RNF220: variants seen among roughly 807,000 people sequenced by gnomAD.
RNF220 encodes ring finger protein 220, also known as E3 ubiquitin-protein ligase RNF220.
A neutral mutation model predicts 67.1 loss-of-function variants in RNF220; 7 were observed. The ratio of observed to expected loss-of-function variants is 0.10; its 90% CI spans 0.06 to 0.20. The LOEUF is 0.20. Among genes scored for constraint, RNF220 ranks in the 10% least tolerant of loss-of-function variants. The pLI, the probability that RNF220 is intolerant of heterozygous loss-of-function variation, is 1.00. For missense variants in RNF220, 565 were observed against 740.3 expected (o/e 0.76, Z 2.75); for synonymous variants, 270 against 283.2 (o/e 0.95, Z 0.47).
intron 2 of RNF220, among the ~76,000 whole-genome samples, chr1:44,478,317 G>A (rs368285183): frequency 1.3e-5 from 2 of 151,942 alleles, no homozygotes; most frequent in East Asian, 3.8e-4. Context: ...TGTATATCAG[G>A]CCTAAATATG....
chr1:44,545,957 T>C (rs1662107558), intron 2 of RNF220, among the ~76,000 whole-genome samples: 1 of 152,098 alleles, frequency 6.6e-6, no homozygotes, highest in African/African-American at 2.4e-5. Flanking sequence ...GGAGAAACCC[T>C]TTCTTGCATG....
At chr1:44,529,937 C>T (rs553729584) in intron 2 of RNF220, among the ~76,000 whole-genome samples, 35 of 151,846 alleles carry the variant, frequency 2.3e-4, no homozygotes, top group Non-Finnish European at 4.6e-4. Context: ...GCCTCTACTC[C>T]CAGCTATTTG....
intron 2 of RNF220, among the ~76,000 whole-genome samples, chr1:44,433,078 C>T (rs1416377526): frequency 1.3e-5 from 2 of 151,868 alleles, no homozygotes; most frequent in African/African-American, 2.4e-5. Flanking sequence ...TACAGGCGTG[C>T]GTCACTACAC....
At position 44,644,747 on chromosome 1, in the gene RNF220, T is replaced by C; in HGVS notation, c.1176T>C (p.Ala392=). ...GCAAAGAGAACCCGGACAGTGATGC[T>C]GACTTGGATGTGGATGGGGATGACA... ...CSGKENPDSD[A]DLDVDGDDTL... Residue 392 remains alanine, a synonymous_variant, in exon 9 of 15, where the codon GCT becomes GCC. Coordinates refer to ENST00000361799, the MANE Select transcript of RNF220 (RefSeq NM_018150.4). The C allele has an allele frequency of 6.2e-7, 1 of 1,614,150 alleles. No homozygotes were observed. The highest frequency in any genetic ancestry group is 8.5e-7 in the Non-Finnish European group (1 of 1,180,012).
intron 2 of RNF220, among the ~76,000 whole-genome samples, chr1:44,605,347 A>T (rs1667201358): frequency 6.6e-6 from 1 of 151,770 alleles, no homozygotes; most frequent in African/African-American, 2.4e-5. Flanking sequence ...ATAGCTGACC[A>T]GACTAGACCA....
In RNF220 at chr1:44,624,228, C is replaced by T. The variant is rs1474699834; in HGVS notation, c.804+1441C>T. Reference sequence around the variant, plus strand: ...CACTCACTGAGTGTGGCCCAGCCTGCAGCATTTAATGGTGTGGTTCAGGAA... The same window carrying T: ...CACTCACTGAGTGTGGCCCAGCCTGTAGCATTTAATGGTGTGGTTCAGGAA... On this transcript the variant is annotated intron_variant, in intron 4 of 14. Coordinates refer to ENST00000361799, the MANE Select transcript of RNF220 (RefSeq NM_018150.4). This position sits in a 1 kb window ranked among gnomAD's most constrained non-coding sequence, Gnocchi z 4.2. 2.0e-5 allele frequency among the ~76,000 whole-genome samples: 3 copies of T among 152,178 alleles called. No homozygotes were observed. Among genetic ancestry groups the T allele is most frequent in the Non-Finnish European group, 4.4e-5 (3 of 68,024 alleles).
intron 2 of RNF220, among the ~76,000 whole-genome samples, chr1:44,475,076 G>GAA (rs112605382): frequency 6.7e-6 from 1 of 150,352 alleles, no homozygotes; most frequent in African/African-American, 2.4e-5. Context: ...TAAGACTGAG[G>GAA]AAAAAAAAAT....
chr1:44,447,173 C>T (rs962940062), intron 2 of RNF220, among the ~76,000 whole-genome samples: 31 of 152,088 alleles, frequency 2.0e-4, no homozygotes, highest in African/African-American at 5.8e-4. Flanking sequence ...TTGTTGAGAA[C>T]GATATGTACA....
At chr1:44,487,145 G>A (rs1431854445) in intron 2 of RNF220, among the ~76,000 whole-genome samples, 2 of 151,900 alleles carry the variant, frequency 1.3e-5, no homozygotes, top group Non-Finnish European at 2.9e-5. Context: ...GACCAGCCTG[G>A]CCAACATGGT....
chr1:44,553,922 C>T (rs1299395582), intron 2 of RNF220, among the ~76,000 whole-genome samples: 1 of 152,148 alleles, frequency 6.6e-6, no homozygotes, highest in Non-Finnish European at 1.5e-5. Context: ...ACCACGGCTG[C>T]AGGAGGAGCT....
intron 3 of RNF220, among the ~76,000 whole-genome samples, chr1:44,615,314 G>A (rs559762017): frequency 4.6e-5 from 7 of 152,290 alleles, no homozygotes; most frequent in Admixed American, 3.3e-4. Flanking sequence ...ATTGATTGAG[G>A]CAGTATTAGA....
chr1:44,538,436 A>G (rs914377033), intron 2 of RNF220, among the ~76,000 whole-genome samples: 3 of 152,100 alleles, frequency 2.0e-5, no homozygotes, highest in Non-Finnish European at 4.4e-5. Context: ...ATTGGTCTAC[A>G]CTTTCTCACA....
chr1:44,630,011 C>T (rs1282112203), intron 5 of RNF220, among the ~76,000 whole-genome samples: 1 of 152,242 alleles, frequency 6.6e-6, no homozygotes, highest in Admixed American at 6.5e-5. Context: ...GCTCTTTACA[C>T]AAGGCCTGGC....
At chr1:44,637,706 G>A (rs757653229) in intron 8 of RNF220, among the ~76,000 whole-genome samples, 2 of 152,238 alleles carry the variant, frequency 1.3e-5, no homozygotes, top group African/African-American at 2.4e-5. Context: ...CAGTGTGAGG[G>A]GCTCTTAGGC....
chr1:44,421,244 A>G (rs1270196683), intron 2 of RNF220, among the ~76,000 whole-genome samples: 5 of 152,068 alleles, frequency 3.3e-5, no homozygotes. Context: ...GCCAAATCTC[A>G]TGGTATTTTC....
intron 2 of RNF220, among the ~76,000 whole-genome samples, chr1:44,510,525 G>A (rs776977374): frequency 5.9e-5 from 9 of 152,196 alleles, no homozygotes; most frequent in Non-Finnish European, 1.3e-4. Context: ...CGCAGGCTTT[G>A]CTTTTCAGGA....
At chr1:44,473,083 G>A (rs1654964482) in intron 2 of RNF220, among the ~76,000 whole-genome samples, 2 of 152,280 alleles carry the variant, frequency 1.3e-5, no homozygotes, top group African/African-American at 4.8e-5. Flanking sequence ...GACTACACTA[G>A]GCAGGGCAGG....
intron 2 of RNF220, among the ~76,000 whole-genome samples, chr1:44,557,180 T>C (rs1178123872): frequency 7.0e-6 from 1 of 143,208 alleles, no homozygotes; most frequent in African/African-American, 2.7e-5. Flanking sequence ...TATATATTAA[T>C]ATATAATATA....
At chr1:44,549,706 T>C (rs1662466992) in intron 2 of RNF220, among the ~76,000 whole-genome samples, 1 of 152,054 alleles carries the variant, frequency 6.6e-6, no homozygotes, top group Non-Finnish European at 1.5e-5. Flanking sequence ...GGGAAAACAA[T>C]GATCCTCCAG....
Sources: allele counts gnomAD v4.1 joint callset (sites outside exome capture counted in the v4.1 genomes callset), GRCh38; gene constraint gnomAD v4.1.1; non-coding constraint Gnocchi (gnomAD v3.1); transcripts MANE v1.5; gene names NCBI Gene and HGNC (gene_info 2026-07-23, HGNC 2026-07-21).